The following WRN variants were observed in gnomAD, a reference collection of about 807,000 sequenced individuals.
WRN encodes the protein WRN RecQ like helicase.
In WRN, 149 loss-of-function variants were observed where a neutral mutation model predicts 180.7. The ratio of observed to expected loss-of-function variants is 0.82; its 90% CI spans 0.72 to 0.94. The LOEUF (loss-of-function observed/expected upper bound fraction) is 0.94, where lower values mean the gene tolerates loss of function less well. Ranked by LOEUF, WRN falls within the 40% of genes least tolerant of loss-of-function variation. The pLI, the probability that WRN is intolerant of heterozygous loss-of-function variation, is 0.00. For synonymous variants in WRN, 548 were observed against 568.9 expected, an observed-to-expected ratio of 0.96 and a Z score of 0.52; for missense variants, 1,661 against 1,700.1, an observed-to-expected ratio of 0.98 and a Z score of 0.40.
intron 30 of WRN, among the ~76,000 whole-genome samples, chr8:31,150,016 C>A (rs1239887464): frequency 1.3e-5 from 2 of 152,020 alleles, no homozygotes; most frequent in Non-Finnish European, 2.9e-5. Flanking sequence ...TTTTCCTTTT[C>A]ATGACAATAA....
At chr8:31,038,479 G>C (rs1811530100) in intron 1 of WRN, among the ~76,000 whole-genome samples, 1 of 151,834 alleles carries the variant, frequency 6.6e-6, no homozygotes, top group Non-Finnish European at 1.5e-5. Context: ...CCCTTATTGG[G>C]TGTATGATTT....
chr8:31,139,672 T>G (rs1802530570), intron 24 of WRN, among the ~76,000 whole-genome samples: 2 of 152,226 alleles, frequency 1.3e-5, no homozygotes, highest in African/African-American at 4.8e-5. Context: ...CTGTTGATAC[T>G]TACGAAGCTC....
Position 31,163,109 on chromosome 8 carries a change from C to T in WRN, c.3983-3913C>T, listed in dbSNP as rs1038967299. On this transcript the variant is annotated intron_variant, in intron 33 of 34. Transcript: ENST00000298139. ...AATGGGGTGTGTGTGTGTGTGCACA[C>T]GCGCACGCATGCGTGCTCATTCACA... 4.1e-4 allele frequency among the ~76,000 whole-genome samples: 63 copies of T among 152,208 alleles called. 1 individual carries two copies. Among genetic ancestry groups the T allele is most frequent in the Admixed American group, 3.4e-3 (52 of 15,278 alleles).
At position 31,065,222 on chromosome 8, in the gene WRN, C is replaced by CTTTA. The variant is rs1026174199; in HGVS notation, c.504+175_504+178dup. On this transcript the variant is annotated intron_variant, in intron 5 of 34. Transcript: ENST00000298139. ...CAAGTGAATGTTCTTTAATGAAAAC[C>CTTTA]TTTATTTATTTATTTATTTTTAACT... Among the ~76,000 whole-genome samples, 7 of 151,734 alleles carry CTTTA rather than the reference C, an allele frequency of 4.6e-5. No individual in the cohort carries two copies. The South Asian group carries it at 6.2e-4, about 14-fold the overall frequency.
At chr8:31,074,376 C>T (rs1010799307) in intron 7 of WRN, among the ~76,000 whole-genome samples, 2 of 152,092 alleles carry the variant, frequency 1.3e-5, no homozygotes, top group Admixed American at 1.3e-4. Context: ...GAGTAGAGAT[C>T]TGAAGACTGA....
chr8:31,160,212 CTGTA>C (rs1197029019), intron 33 of WRN, among the ~76,000 whole-genome samples: 1 of 152,186 alleles, frequency 6.6e-6, no homozygotes, highest in Non-Finnish European at 1.5e-5. Flanking sequence ...CCGTGCAGAT[CTGTA>C]TGTAAGGAAT....
At chr8:31,138,634 G>A (rs1802490675) in intron 24 of WRN, among the ~76,000 whole-genome samples, 1 of 152,122 alleles carries the variant, frequency 6.6e-6, no homozygotes, top group Non-Finnish European at 1.5e-5. Context: ...TGTTAACAAG[G>A]TAGAAGGTGC....
chr8:31,170,499 G>T (rs114996594), intron 34 of WRN, among the ~76,000 whole-genome samples: 1 of 152,062 alleles, frequency 6.6e-6, no homozygotes, highest in African/African-American at 2.4e-5. Context: ...AATGTATCAG[G>T]CTCGGTAACT....
intron 1 of WRN, among the ~76,000 whole-genome samples, chr8:31,052,072 A>C (rs943189073): frequency 2.0e-5 from 3 of 152,244 alleles, no homozygotes; most frequent in African/African-American, 7.2e-5. Flanking sequence ...GTTTTGACAA[A>C]GATCATCTGG....
intron 1 of WRN, among the ~76,000 whole-genome samples, chr8:31,049,525 AAAG>A (rs1812007539): frequency 6.6e-6 from 1 of 151,216 alleles, no homozygotes. Flanking sequence ...AAAAAAAAAA[AAAG>A]AGATGGGTTT....
chr8:31,101,711 C>T (rs776789797), intron 18 of WRN, among the ~76,000 whole-genome samples: 1 of 134,918 alleles, frequency 7.4e-6, no homozygotes, highest in Non-Finnish European at 1.5e-5. Flanking sequence ...TGCTTGAACT[C>T]GGGAGGTGGA....
At chr8:31,143,052 C>CACACACACACACACAT (rs1272452345) in intron 27 of WRN, among the ~76,000 whole-genome samples, 5,911 of 65,360 alleles carry the variant, frequency 0.09, 146 homozygotes, top group Admixed American at 0.12. Context: ...CACACACACA[C>CACACACACACACACAT]ACATTCTCTC....
chr8:31,125,027 A>G, intron 23 of WRN, 27 bp downstream of exon 23: 1 of 1,581,572 alleles, frequency 6.3e-7, no homozygotes, highest in Non-Finnish European at 8.7e-7. Flanking sequence ...ATAGATGGAC[A>G]TTCTAAAAGT....
At chr8:31,154,599 T>G (rs1315930926) in intron 31 of WRN, 25 bp from the exon 32 acceptor site, 1 of 1,600,176 alleles carries the variant, frequency 6.2e-7, no homozygotes, top group Non-Finnish European at 8.5e-7. Context: ...TACTGATCAT[T>G]TGTGCTACAT....
rs1801688806 is a variant in WRN at position 31,120,573 on chromosome 8, C to T, written c.2630+149C>T. 2.3e-5 allele frequency: 19 copies of T among 838,566 alleles called. No individual in the cohort carries two copies. In the South Asian group the frequency reaches 3.6e-4, roughly 16 times the overall value. The allele number at this position is 838,566 out of a possible 1,614,324, so 51.9% of individuals were successfully genotyped here. A position where few individuals can be genotyped will look rare whatever the true frequency, so the allele number is the denominator to read the frequency against. On this transcript the variant is annotated intron_variant, in intron 21 of 34. Transcript: ENST00000298139. ...AAAAAAAAAGAAAAATAAAACCTCC[C>T]CAAATCCAGAGGACATGTAAGAAGA... is the stretch of plus-strand genomic sequence containing the variant.
intron 33 of WRN, among the ~76,000 whole-genome samples, chr8:31,158,626 A>C (rs1259880693): frequency 2.6e-5 from 4 of 152,170 alleles, no homozygotes; most frequent in African/African-American, 9.7e-5. Flanking sequence ...CTTGTGAACA[A>C]TTCCCCCCAA....
intron 1 of WRN, among the ~76,000 whole-genome samples, 161 bp downstream of exon 1, chr8:31,034,134 C>G (rs1811350970): frequency 6.6e-6 from 1 of 152,174 alleles, no homozygotes; most frequent in African/African-American, 2.4e-5. Flanking sequence ...TTCCTTTCCC[C>G]TCTGGAGCAG....
chr8:31,046,123 A>C (rs920696971), intron 1 of WRN, among the ~76,000 whole-genome samples: 1 of 152,130 alleles, frequency 6.6e-6, no homozygotes, highest in Admixed American at 6.5e-5. Flanking sequence ...ATATAATTGT[A>C]TTTGATTCTG....
At position 31,059,193 on chromosome 8, in the gene WRN, T is replaced by C. The variant is rs772246871; in HGVS notation, c.137T>C (p.Phe46Ser). ...RKSVFEDDLP[F>S]LEFTGSIVYS... is the part of the protein sequence containing the mutation. Reference sequence around the variant, plus strand: ...AGTGTTTTTGAAGATGACCTCCCCTTCTTAGAATTCACTGGATCCATTGTG... The same window carrying C: ...AGTGTTTTTGAAGATGACCTCCCCTCCTTAGAATTCACTGGATCCATTGTG... The change falls in exon 3 of 35, where the codon TTC (phenylalanine) becomes TCC (serine). Residue 46 changes from phenylalanine to serine, a missense_variant. Coordinates refer to ENST00000298139, the MANE Select transcript of WRN (RefSeq NM_000553.6). 40 of 1,613,764 alleles carry C rather than the reference T, an allele frequency of 2.5e-5. No individual in the cohort carries two copies. In the Admixed American group the frequency reaches 6.5e-4, roughly 26 times the overall value.
Sources: gnomAD v4.1 joint callset for allele counts (sites outside exome capture counted in the v4.1 genomes callset) on GRCh38, gnomAD v4.1.1 for gene constraint, MANE v1.5 for transcripts, NCBI Gene and HGNC (gene_info 2026-07-23, HGNC 2026-07-21) for gene names.